The following MTMR11 variants were observed in gnomAD, a reference collection of about 807,000 sequenced individuals.
The protein encoded by MTMR11 is myotubularin related protein 11.
Under a neutral mutation model 100.0 loss-of-function variants are expected in MTMR11, and 89 were observed. The observed-to-expected ratio is 0.89, with a 90% confidence interval of 0.75 to 1.06. The LOEUF (loss-of-function observed/expected upper bound fraction) is 1.06, where lower values mean the gene tolerates loss of function less well. MTMR11 is among the 50% of genes least tolerant of loss of function. The pLI, the probability that MTMR11 is intolerant of heterozygous loss-of-function variation, is 0.00. For missense variants in MTMR11, 809 were observed against 873.7 expected, an observed-to-expected ratio of 0.93 and a Z score of 0.93; for synonymous variants, 336 against 326.3, an observed-to-expected ratio of 1.03 and a Z score of -0.32.
At chr1:149,931,659 C>G in intron 12 of MTMR11, 1 of 582,462 alleles carries the variant, frequency 1.7e-6, no homozygotes, top group Non-Finnish European at 3.0e-6. Flanking sequence ...GGGGCAGAAT[C>G]ACAATTCTCA....
rs2092644418 is a variant in MTMR11 at position 149,930,526 on chromosome 1, A to G, written c.1486T>C (p.Tyr496His). The G allele has an allele frequency of 2.5e-6, 4 of 1,613,486 alleles. No homozygotes were observed. The South Asian group carries it at 4.4e-5, about 18-fold the overall frequency. ...SGQLNSYTQV[Y>H]TPGYSQPPAG... Reference sequence around the variant, plus strand: ...GGAGGCTGGGAGTATCCTGGGGTGTAGACTTGTGTATAGGAGTTTAACTGG... The same window carrying G: ...GGAGGCTGGGAGTATCCTGGGGTGTGGACTTGTGTATAGGAGTTTAACTGG... The change falls in exon 15 of 17, where the codon TAC becomes CAC. Residue 496 changes from tyrosine (Y) to histidine (H), a missense_variant. Transcript: ENST00000439741.
intron 10 of MTMR11, 138 bp downstream of exon 10, chr1:149,933,268 C>G: frequency 7.7e-7 from 1 of 1,293,104 alleles, no homozygotes; most frequent in Non-Finnish European, 1.1e-6. Context: ...GACTCCGTCT[C>G]AAGAAAAAAG....
In MTMR11 at chr1:149,929,234, T is replaced by A; in HGVS notation, c.2025A>T (p.Arg675Ser). Residue 675 changes from arginine (R) to serine (S), a missense_variant, in exon 17 of 17, where the codon AGA (arginine) becomes AGT (serine). Coordinates refer to ENST00000439741, the MANE Select transcript of MTMR11 (RefSeq NM_001145862.2). ...LQELLRKWTPRISPEDHSKKR... is the reference protein window; with the variant it reads ...LQELLRKWTPSISPEDHSKKR... ...TCTTGGAGTGATCCTCAGGAGATAT[T>A]CTTGGTGTCCATTTCCGTAATAACT... 1 of 1,614,126 alleles carries A rather than the reference T, an allele frequency of 6.2e-7. No individual in the cohort carries two copies. Among genetic ancestry groups the A allele is most frequent in the Non-Finnish European group, 8.5e-7 (1 of 1,180,008 alleles).
In MTMR11 at chr1:149,933,825, C is replaced by T. The variant is rs905913706; in HGVS notation, c.771+30G>A. Reference sequence around the variant, plus strand: ...CCCTGGCCCACATGACCCTCTAATCCACAGCCATTACCCTAACCATCACAC... The same window carrying T: ...CCCTGGCCCACATGACCCTCTAATCTACAGCCATTACCCTAACCATCACAC... On this transcript the variant is annotated intron_variant, in intron 8 of 16. Transcript: ENST00000439741. 13 of 1,611,504 alleles carry T rather than the reference C, an allele frequency of 8.1e-6. No homozygotes were observed. In the Middle Eastern group the frequency reaches 1.2e-3, roughly 145 times the overall value.
rs1553767257 is a variant in MTMR11 at position 149,930,430 on chromosome 1, G to T, written c.1582C>A (p.Leu528Ile). ...WDLRYSNAQI[L>I]QFQNPGYDPE... is the part of the protein sequence containing the mutation. The stretch of plus-strand genomic sequence containing the variant: ...TCATAGCCAGGATTCTGGAATTGTA[G>T]TATCTGTGCATTGCTATAACGTAAA... The change falls in exon 15 of 17, where the codon CTA becomes ATA. Residue 528 changes from leucine (L) to isoleucine (I), a missense_variant. Coordinates refer to ENST00000439741, the MANE Select transcript of MTMR11 (RefSeq NM_001145862.2). The T allele has an allele frequency of 1.2e-6, 2 of 1,613,924 alleles. No individual in the cohort carries two copies. The highest frequency in any genetic ancestry group is 1.3e-5 in the African/African-American group (1 of 74,906).
At chr1:149,934,891 A>T in intron 5 of MTMR11, 95 bp downstream of exon 5, 1 of 1,425,106 alleles carries the variant, frequency 7.0e-7, no homozygotes, top group Non-Finnish European at 9.5e-7. Flanking sequence ...GAATGATGAG[A>T]GGATCCCAGG....
intron 15 of MTMR11, 186 bp from the exon 16 acceptor site, chr1:149,930,102 G>A (rs940220101): frequency 1.3e-6 from 1 of 746,170 alleles, no homozygotes; most frequent in Non-Finnish European, 2.1e-6. Context: ...GACTGATTAA[G>A]GTTGATTTTA....
Position 149,936,530 on chromosome 1 carries a change from T to G in MTMR11, c.66+52A>C, listed in dbSNP as rs587623522. ...TTTGCTTCCCCCTTTTATCTCCACC[T>G]CATCCCCGTTCTCACCCTCTTGCCG... On this transcript the variant is annotated intron_variant, in intron 1 of 16. Coordinates refer to ENST00000439741, the MANE Select transcript of MTMR11 (RefSeq NM_001145862.2). 3.7e-6 allele frequency: 5 copies of G among 1,352,262 alleles called. No homozygotes were observed. In the African/African-American group the frequency reaches 7.3e-5, roughly 20 times the overall value. 83.8% of individuals were successfully genotyped at this position (1,352,262 alleles called of 1,614,324 possible). A position where few individuals can be genotyped will look rare whatever the true frequency, so the allele number is the denominator to read the frequency against.
Position 149,929,113 on chromosome 1 carries a change from TAGAC to T in MTMR11, c.*12_*15del, listed in dbSNP as rs782362576. 19 of 1,571,616 alleles carry T rather than the reference TAGAC, an allele frequency of 1.2e-5. No homozygotes were observed. Among genetic ancestry groups the T allele is most frequent in the Non-Finnish European group, 1.5e-5 (17 of 1,162,682 alleles). On this transcript the variant is annotated 3_prime_UTR_variant, in exon 17 of 17. Coordinates refer to ENST00000439741, the MANE Select transcript of MTMR11 (RefSeq NM_001145862.2). Reference sequence around the variant, plus strand: ...AGATACAAAAAAAAAAAAAAAAGATTAGACAGAACCCTCCTCTACCCCAGATCCC... The same window carrying T: ...AGATACAAAAAAAAAAAAAAAAGATTAGAACCCTCCTCTACCCCAGATCCC...
rs376034416 is a variant in MTMR11 at position 149,931,405 on chromosome 1, T to C, written c.1145A>G (p.Asn382Ser). Reference sequence around the variant, plus strand: ...CTGGACGAGTGAAGAGAGGAGGCCATTGAGATCACGATCACCGCGCTCTGG... The same window carrying C: ...CTGGACGAGTGAAGAGAGGAGGCCACTGAGATCACGATCACCGCGCTCTGG... Reference protein sequence around the residue: ...ILQERGDRDLNGLLSSLVQLL... With the variant: ...ILQERGDRDLSGLLSSLVQLL... Residue 382 changes from asparagine (N) to serine (S), a missense_variant, in exon 13 of 17, where the codon AAT (asparagine) becomes AGT (serine). Asn to Ser is a conservative substitution (Grantham distance 46, BLOSUM62 1). Transcript: ENST00000439741. 20 of 1,608,364 alleles carry C rather than the reference T, an allele frequency of 1.2e-5. No homozygotes were observed. Among genetic ancestry groups the C allele is most frequent in the Non-Finnish European group, 1.7e-5 (20 of 1,177,612 alleles).
intron 10 of MTMR11, among the ~76,000 whole-genome samples, chr1:149,932,616 TGTGGGAGAG>T (rs1261471991): frequency 1.3e-5 from 2 of 152,078 alleles, no homozygotes; most frequent in East Asian, 1.9e-4. Flanking sequence ...CCAGTGAGTC[TGTGGGAGAG>T]GTGGGAGAGG....
In MTMR11 at chr1:149,930,525, T is replaced by C. The variant is rs2092644387; in HGVS notation, c.1487A>G (p.Tyr496Cys). 2 of 1,613,488 alleles carry C rather than the reference T, an allele frequency of 1.2e-6. No individual in the cohort carries two copies. Among genetic ancestry groups the C allele is most frequent in the South Asian group, 1.1e-5 (1 of 91,024 alleles). ...SGQLNSYTQVYTPGYSQPPAG... is the reference protein window; with the variant it reads ...SGQLNSYTQVCTPGYSQPPAG... ...TGGAGGCTGGGAGTATCCTGGGGTG[T>C]AGACTTGTGTATAGGAGTTTAACTG... is the stretch of plus-strand genomic sequence containing the variant. The change falls in exon 15 of 17, where the codon TAC becomes TGC. Residue 496 changes from tyrosine to cysteine, a missense_variant. Transcript: ENST00000439741.
At chr1:149,936,342 AGT>A (rs2092722423) in intron 1 of MTMR11, 113 bp from the exon 2 acceptor site, 1 of 1,523,184 alleles carries the variant, frequency 6.6e-7, no homozygotes, top group South Asian at 1.2e-5. Context: ...AACTGAGATC[AGT>A]GTCTGTGGGG....
chr1:149,929,787 G>T lies in MTMR11; in HGVS notation c.1777C>A (p.Pro593Thr). Residue 593 changes from proline to threonine, a missense_variant, in exon 16 of 17, where the codon CCT becomes ACT. Physicochemically the swap from Pro to Thr is conservative, Grantham distance 38. Coordinates refer to ENST00000439741, the MANE Select transcript of MTMR11 (RefSeq NM_001145862.2). ...SLLAVSSRWL[P>T]RPAISSESLA... ...CTTTCAGAGGAGATAGCAGGTCGAG[G>T]GAGCCAACGAGAAGAGACTGCCAGC... 1 of 1,614,198 alleles carries T rather than the reference G, an allele frequency of 6.2e-7. No individual in the cohort carries two copies. Among genetic ancestry groups the T allele is most frequent in the East Asian group, 2.2e-5 (1 of 44,878 alleles).
Position 149,934,984 on chromosome 1 carries a change from A to G in MTMR11, c.468+2T>C, listed in dbSNP as rs587658127. On this transcript the variant is annotated splice_donor_variant, in intron 5 of 16. Coordinates refer to ENST00000439741, the MANE Select transcript of MTMR11 (RefSeq NM_001145862.2). LOFTEE classifies it high-confidence loss of function. The stretch of plus-strand genomic sequence containing the variant: ...GAAAGCCTCAGGTTAGGGGCCTCTT[A>G]CCTGAAAAGCCTGAGGCTCTAGGCC... The G allele has an allele frequency of 1.2e-5, 19 of 1,613,306 alleles. 1 individual carries two copies. In the South Asian group the frequency reaches 2.1e-4, roughly 18 times the overall value.
chr1:149,936,500 G>T, intron 1 of MTMR11, 82 bp downstream of exon 1: 1 of 1,283,394 alleles, frequency 7.8e-7, no homozygotes. Context: ...TCCTCCTCTA[G>T]AGCCTTTGCT....
chr1:149,931,060 G>A, intron 13 of MTMR11, 95 bp from the exon 14 acceptor site: 1 of 1,371,446 alleles, frequency 7.3e-7, no homozygotes, highest in Non-Finnish European at 9.8e-7. Context: ...GGAATAGGGG[G>A]AACTTATGGA....
At position 149,928,653 on chromosome 1, in the gene MTMR11, T is replaced by C; in HGVS notation, c.*476A>G. The C allele has an allele frequency of 1.8e-6, 1 of 544,900 alleles. No individual in the cohort carries two copies. The highest frequency in any genetic ancestry group is 2.8e-5 in the South Asian group (1 of 36,186). 33.8% of individuals were successfully genotyped at this position (544,900 alleles called of 1,614,324 possible). A position where few individuals can be genotyped will look rare whatever the true frequency, so the allele number is the denominator to read the frequency against. On this transcript the variant is annotated 3_prime_UTR_variant, in exon 17 of 17. Transcript: ENST00000439741. ...AACACAAGAAACAATGCCAGCAATG[T>C]GTATAAATACTATGCTTTAATGAGC...
intron 15 of MTMR11, 127 bp downstream of exon 15, chr1:149,930,238 A>C: frequency 2.0e-6 from 2 of 1,008,384 alleles, no homozygotes; most frequent in Non-Finnish European, 2.9e-6. Flanking sequence ...TATAAGTGAC[A>C]GCTGCAGAAG....
Sources: gnomAD v4.1 joint callset for allele counts (sites outside exome capture counted in the v4.1 genomes callset) on GRCh38, gnomAD v4.1.1 for gene constraint, MANE v1.5 for transcripts, NCBI Gene and HGNC (gene_info 2026-07-23, HGNC 2026-07-21) for gene names.